Variants in CPNE4 observed in about 807,000 individuals in gnomAD.
The protein encoded by CPNE4 is copine 4.
CPNE4 carries 25 observed loss-of-function variants against 67.9 expected under a neutral mutation model. The observed-to-expected ratio is 0.37, with a 90% confidence interval of 0.27 to 0.51. CPNE4 has a LOEUF of 0.51. Ranked by LOEUF, CPNE4 falls within the 20% of genes least tolerant of loss-of-function variation. The pLI is 0.93. For synonymous variants in CPNE4, 242 were observed against 244.9 expected (o/e 0.99, Z 0.11); for missense variants, 464 against 690.8 (o/e 0.67, Z 3.68).
chr3:131,865,911 T>G (rs1254423738), intron 2 of CPNE4, among the ~76,000 whole-genome samples: 1 of 152,152 alleles, frequency 6.6e-6, no homozygotes, highest in Non-Finnish European at 1.5e-5. Flanking sequence ...CACTGACACT[T>G]CTATGGGGAG....
At chr3:131,726,802 A>T (rs1016371446) in intron 2 of CPNE4, among the ~76,000 whole-genome samples, 2 of 151,710 alleles carry the variant, frequency 1.3e-5, no homozygotes, top group African/African-American at 4.9e-5. Context: ...ATATGGTAGG[A>T]CCCAGAAATC....
At chr3:131,650,631 G>C (rs894854161) in intron 7 of CPNE4, among the ~76,000 whole-genome samples, 1 of 148,878 alleles carries the variant, frequency 6.7e-6, no homozygotes, top group South Asian at 2.1e-4. Flanking sequence ...TGTAGTCCCG[G>C]CTACTCGGGA....
rs56412825 is a variant in CPNE4 at position 131,547,455 on chromosome 3, C to CAAAAAAAAAAAAA, written c.1302+2479_1302+2491dup. Among the ~76,000 whole-genome samples the CAAAAAAAAAAAAA allele has an allele frequency of 3.1e-3, 114 of 36,544 alleles. 57 individuals are homozygous for CAAAAAAAAAAAAA. The highest frequency in any genetic ancestry group is 4.9e-3 in the East Asian group (6 of 1,236). The allele number at this position is 36,544 out of a possible 152,430, so 24.0% of individuals were successfully genotyped here. Reference sequence around the variant, plus strand: ...TGGGTGATAGACCAAGACCCTGTCGCAAAAAAAAAAAAAAAAAAAAAAAAA... The same window carrying CAAAAAAAAAAAAA: ...TGGGTGATAGACCAAGACCCTGTCGCAAAAAAAAAAAAAAAAAAAAAAAAAAAAAAAAAAAAAA... On this transcript the variant is annotated intron_variant, in intron 14 of 15. Coordinates refer to ENST00000429747, the MANE Select transcript of CPNE4 (RefSeq NM_130808.3).
chr3:132,032,078 ACAAACCAATAATTCAC>A (rs1398258880), intron 1 of CPNE4, among the ~76,000 whole-genome samples: 1 of 152,214 alleles, frequency 6.6e-6, no homozygotes, highest in Non-Finnish European at 1.5e-5. Flanking sequence ...TCCCCTTAAG[ACAAACCAATAATTCAC>A]CAAAATGTCA....
chr3:131,894,753 G>C (rs73206044), intron 2 of CPNE4, among the ~76,000 whole-genome samples: 1 of 151,832 alleles, frequency 6.6e-6, no homozygotes, highest in South Asian at 2.1e-4. Flanking sequence ...GCACTTACAC[G>C]CTATTGGAGG....
At chr3:131,912,580 C>A (rs373911590) in intron 1 of CPNE4, among the ~76,000 whole-genome samples, 3 of 152,060 alleles carry the variant, frequency 2.0e-5, no homozygotes, top group African/African-American at 7.2e-5. Context: ...AACATCCACT[C>A]GCTCAACCAG....
At chr3:131,856,397 CT>C (rs1271145059) in intron 2 of CPNE4, among the ~76,000 whole-genome samples, 2 of 151,812 alleles carry the variant, frequency 1.3e-5, no homozygotes, top group African/African-American at 4.8e-5. Context: ...CTAGTCATCT[CT>C]TTCATAGGGA....
chr3:131,666,746 T>G (rs930088071), intron 7 of CPNE4, among the ~76,000 whole-genome samples: 1 of 152,034 alleles, frequency 6.6e-6, no homozygotes, highest in South Asian at 2.1e-4. Flanking sequence ...ACACAGAATG[T>G]GAGAAATGCT....
At chr3:131,932,487 G>A (rs573499455) in intron 1 of CPNE4, among the ~76,000 whole-genome samples, 48 of 152,176 alleles carry the variant, frequency 3.2e-4, no homozygotes, top group African/African-American at 1.1e-3. Flanking sequence ...ATAAAGAAGT[G>A]TATGAATATA....
At chr3:131,535,484 T>C (rs1257500294) in intron 15 of CPNE4, among the ~76,000 whole-genome samples, 155 bp from the exon 16 acceptor site, 1 of 152,356 alleles carries the variant, frequency 6.6e-6, no homozygotes, top group Non-Finnish European at 1.5e-5. Flanking sequence ...AGTTGTCAGA[T>C]TGTTGGAAAA....
intron 6 of CPNE4, among the ~76,000 whole-genome samples, chr3:131,675,713 T>C (rs953850723): frequency 3.3e-5 from 5 of 151,956 alleles, no homozygotes; most frequent in African/African-American, 1.2e-4. Flanking sequence ...AAGTGTATTT[T>C]TTGTAGTCTA....
intron 2 of CPNE4, among the ~76,000 whole-genome samples, chr3:131,786,736 T>G (rs1179532936): frequency 1.3e-5 from 2 of 152,154 alleles, no homozygotes; most frequent in African/African-American, 4.8e-5. Flanking sequence ...ATGGTACAAA[T>G]AATGTACAAT....
chr3:131,617,505 T>A (rs1214532288), intron 7 of CPNE4, among the ~76,000 whole-genome samples: 1 of 152,216 alleles, frequency 6.6e-6, no homozygotes, highest in Non-Finnish European at 1.5e-5. Flanking sequence ...ACTCAGATAC[T>A]CTGATTTCTA....
intron 7 of CPNE4, among the ~76,000 whole-genome samples, chr3:131,610,088 AC>A (rs1469122051): frequency 6.6e-6 from 1 of 151,996 alleles, no homozygotes; most frequent in Admixed American, 6.6e-5. Flanking sequence ...CACCAAACAA[AC>A]TTCCCCCTCT....
chr3:131,567,089 A>C (rs1037078470), intron 10 of CPNE4, among the ~76,000 whole-genome samples: 4 of 151,904 alleles, frequency 2.6e-5, no homozygotes, highest in Admixed American at 2.0e-4. Flanking sequence ...TAAAGCTAAC[A>C]ATCTGTCCCA....
intron 3 of CPNE4, among the ~76,000 whole-genome samples, chr3:131,710,625 T>A (rs1223175013): frequency 6.6e-6 from 1 of 152,170 alleles, no homozygotes; most frequent in East Asian, 1.9e-4. Flanking sequence ...GTCAGTGTAC[T>A]CTTTGGTGAA....
chr3:131,671,436 TG>T (rs1236924934), intron 6 of CPNE4, among the ~76,000 whole-genome samples: 3 of 145,286 alleles, frequency 2.1e-5, no homozygotes, highest in Non-Finnish European at 4.5e-5. Flanking sequence ...AATCTTTATG[TG>T]TATGTATGTA....
chr3:131,657,955 T>G (rs1193216047), intron 7 of CPNE4, among the ~76,000 whole-genome samples: 1 of 151,978 alleles, frequency 6.6e-6, no homozygotes, highest in East Asian at 1.9e-4. Context: ...CTGACCAGAG[T>G]AAACACTCTC....
At chr3:131,550,695 C>T (rs1274328740) in intron 13 of CPNE4, among the ~76,000 whole-genome samples, 2 of 152,052 alleles carry the variant, frequency 1.3e-5, no homozygotes, top group African/African-American at 2.4e-5. Context: ...GAGGCAGTAT[C>T]GAGCAAATGT....
Sources: allele counts gnomAD v4.1 joint callset (sites outside exome capture counted in the v4.1 genomes callset), GRCh38; gene constraint gnomAD v4.1.1; transcripts MANE v1.5; gene names NCBI Gene and HGNC (gene_info 2026-07-23, HGNC 2026-07-21).